The following LTA4H variants were observed in gnomAD, a reference collection of about 807,000 sequenced individuals.
The protein encoded by LTA4H is leukotriene A4 hydrolase, also known as leukotriene A-4 hydrolase.
In LTA4H, 59 loss-of-function variants were observed where a neutral mutation model predicts 89.8. The ratio of observed to expected loss-of-function variants is 0.66; its 90% confidence interval spans 0.53 to 0.82. LTA4H has a LOEUF of 0.82. Ranked by LOEUF, LTA4H falls within the 40% of genes least tolerant of loss-of-function variation. The pLI, the probability that LTA4H is intolerant of heterozygous loss-of-function variation, is 0.00. For synonymous variants in LTA4H, 227 were observed against 253.1 expected (o/e 0.90, Z 0.98); for missense variants, 617 against 727.0 (o/e 0.85, Z 1.74).
At chr12:96,020,919 A>G (rs1950444930) in intron 6 of LTA4H, among the ~76,000 whole-genome samples, 166 bp downstream of exon 6, 1 of 152,222 alleles carries the variant, frequency 6.6e-6, no homozygotes, top group Non-Finnish European at 1.5e-5. Flanking sequence ...AGATTTTTAA[A>G]TGTAAAATTA....
chr12:96,019,955 G>C (rs1409697412), intron 6 of LTA4H, among the ~76,000 whole-genome samples: 2 of 147,208 alleles, frequency 1.4e-5, no homozygotes, highest in Non-Finnish European at 3.0e-5. Context: ...CCCAGGCTGA[G>C]TACAGAGGGG....
chr12:96,020,029 G>T (rs1950435239), intron 6 of LTA4H, among the ~76,000 whole-genome samples: 1 of 150,844 alleles, frequency 6.6e-6, no homozygotes, highest in Non-Finnish European at 1.5e-5. Context: ...TCAGCCTTCT[G>T]AGTAGCTGGG....
chr12:96,006,120 T>C (rs1950194780), intron 16 of LTA4H, among the ~76,000 whole-genome samples, 194 bp downstream of exon 16: 1 of 152,222 alleles, frequency 6.6e-6, no homozygotes, highest in African/African-American at 2.4e-5. Context: ...ATATCCTTTC[T>C]TACATATTTT....
rs76205082 is a variant in LTA4H, at chr12:96,022,616, G to A, written c.481-365C>T. The stretch of plus-strand genomic sequence containing the variant: ...TTCACCCATGCACATTAAGAGCAGA[G>A]TTTTGGTAGAAACTGGATTAAAATC... On this transcript the variant is annotated intron_variant, in intron 4 of 18. Coordinates refer to ENST00000228740, the MANE Select transcript of LTA4H (RefSeq NM_000895.3). The surrounding 1 kb of genome is among the most constrained non-coding windows in gnomAD (Gnocchi z 4.0). Among the ~76,000 whole-genome samples, 4,097 of 152,264 alleles carry A rather than the reference G, an allele frequency of 0.027. 174 individuals are homozygous for A. Among genetic ancestry groups the A allele is most frequent in the African/African-American group, 0.088 (3,648 of 41,532 alleles).
At chr12:96,036,642 T>G (rs2660899), upstream of LTA4H, among the ~76,000 whole-genome samples, 124,246 of 152,128 alleles carry the variant, frequency 0.82, 51,437 homozygotes, top group African/African-American at 0.88. Flanking sequence ...GGAATACTTA[T>G]ATAAGTGGAT....
At chr12:96,020,214 A>C (rs530726253) in intron 6 of LTA4H, among the ~76,000 whole-genome samples, 1 of 152,144 alleles carries the variant, frequency 6.6e-6, no homozygotes, top group Non-Finnish European at 1.5e-5. Context: ...CTGTAAGACT[A>C]TTCTAGAACA....
upstream of LTA4H, chr12:96,035,608 A>G: frequency 6.8e-7 from 1 of 1,467,206 alleles, no homozygotes; most frequent in Non-Finnish European, 9.1e-7. Flanking sequence ...GGAGGGAGAG[A>G]GGTAAAGAAG....
intron 10 of LTA4H, 50 bp downstream of exon 10, chr12:96,016,994 A>G: frequency 7.6e-7 from 1 of 1,311,774 alleles, no homozygotes; most frequent in Non-Finnish European, 1.1e-6. Context: ...AGGCAGGGAA[A>G]AAAAAATCAG....
At chr12:96,041,566 C>A (rs1004234111) in intron 1 of LTA4H, among the ~76,000 whole-genome samples, 162 of 151,194 alleles carry the variant, frequency 1.1e-3, no homozygotes, top group Non-Finnish European at 1.7e-3. Flanking sequence ...AAAAAAAAAA[C>A]AAAAAAAGAA....
At chr12:96,002,809 AATATTT>A in intron 18 of LTA4H, 145 bp downstream of exon 18, 1 of 584,418 alleles carries the variant, frequency 1.7e-6, no homozygotes. Context: ...TCACATTTTA[AATATTT>A]ATAAGTGTGA....
chr12:96,034,918 G>A (rs888636234), intron 1 of LTA4H, among the ~76,000 whole-genome samples: 1 of 152,362 alleles, frequency 6.6e-6, no homozygotes, highest in Admixed American at 6.5e-5. Context: ...AAAGTCTGGG[G>A]CCTGAAGAAG....
chr12:96,024,688 GA>G, intron 3 of LTA4H, 141 bp from the exon 4 acceptor site: 2 of 498,044 alleles, frequency 4.0e-6, no homozygotes, highest in South Asian at 4.2e-5. Context: ...TTTTTTTTGA[GA>G]CGGAGTTTCA....
At chr12:96,035,775 C>T (rs1950635725), upstream of LTA4H, 2 of 706,744 alleles carry the variant, frequency 2.8e-6, no homozygotes, top group Non-Finnish European at 4.0e-6. Flanking sequence ...TTGAGGGGGA[C>T]CAAGCGTGCT....
Position 96,003,933 on chromosome 12 carries a change from T to C in LTA4H, c.1531-13A>G. Reference sequence around the variant, plus strand: ...ATGGAAGAGGTGCCTAAGAGCAAAATAAAGAAGTATACCGTATCATTTCAA... The same window carrying C: ...ATGGAAGAGGTGCCTAAGAGCAAAACAAAGAAGTATACCGTATCATTTCAA... On this transcript the variant is annotated splice_polypyrimidine_tract_variant and intron_variant, in intron 16 of 18. Coordinates refer to ENST00000228740, the MANE Select transcript of LTA4H (RefSeq NM_000895.3). 6.5e-7 allele frequency: 1 copy of C among 1,541,232 alleles called. No homozygotes were observed. The highest frequency in any genetic ancestry group is 8.9e-7 in the Non-Finnish European group (1 of 1,118,204).
At chr12:96,042,486 G>C (rs1002186156) in intron 1 of LTA4H, among the ~76,000 whole-genome samples, 3 of 151,952 alleles carry the variant, frequency 2.0e-5, no homozygotes, top group African/African-American at 2.4e-5. Flanking sequence ...AAACCTCCAT[G>C]ATTTAGCAGG....
intron 2 of LTA4H, 143 bp downstream of exon 2, chr12:96,028,912 T>C (rs1356198949): frequency 1.8e-6 from 1 of 568,956 alleles, no homozygotes; most frequent in African/African-American, 2.0e-5. Context: ...TCAACTTTAA[T>C]CTGAACAGAA....
rs1331117524 is a variant in LTA4H, at chr12:96,022,926, A to G, written c.481-675T>C. Among the ~76,000 whole-genome samples the G allele has an allele frequency of 6.6e-6, 1 of 152,248 alleles. No individual in the cohort carries two copies. Among genetic ancestry groups the G allele is most frequent in the Non-Finnish European group, 1.5e-5 (1 of 68,050 alleles). On this transcript the variant is annotated intron_variant, in intron 4 of 18. Transcript: ENST00000228740. This position sits in a 1 kb window ranked among gnomAD's most constrained non-coding sequence, Gnocchi z 4.0. The stretch of plus-strand genomic sequence containing the variant: ...ACACACTTGGAGTTACAAATAGAGG[A>G]ACATTTTAAAAGTAGTAACTGTGAA...
chr12:96,009,047 AT>A, intron 15 of LTA4H, 46 bp downstream of exon 15: 1 of 1,360,776 alleles, frequency 7.3e-7, no homozygotes, highest in Non-Finnish European at 1.0e-6. Flanking sequence ...GTAAAGACAT[AT>A]TTGCACAATT....
intron 5 of LTA4H, among the ~76,000 whole-genome samples, chr12:96,021,746 A>G (rs950449177): frequency 2.0e-5 from 3 of 152,036 alleles, no homozygotes; most frequent in Non-Finnish European, 2.9e-5. Flanking sequence ...TCAAAGATAC[A>G]TGTCTAATGA....
Sources: allele counts gnomAD v4.1 joint callset (sites outside exome capture counted in the v4.1 genomes callset), GRCh38; gene constraint gnomAD v4.1.1; non-coding constraint Gnocchi (gnomAD v3.1); transcripts MANE v1.5; gene names NCBI Gene and HGNC (gene_info 2026-07-23, HGNC 2026-07-21).